The following RASL10B variants were observed in gnomAD, a reference collection of about 807,000 sequenced individuals.
The protein encoded by RASL10B is RAS like family 10 member B.
In RASL10B, 10 loss-of-function variants were observed where a neutral mutation model predicts 20.7. The ratio of observed to expected loss-of-function variants is 0.48; its 90% confidence interval spans 0.30 to 0.82. The LOEUF (loss-of-function observed/expected upper bound fraction) is 0.82, where lower values mean the gene tolerates loss of function less well. Among genes scored for constraint, RASL10B ranks in the 40% least tolerant of loss-of-function variants. The probability of loss-of-function intolerance (pLI) is 0.07; values close to 1 mark genes in which losing one functional copy is unlikely to be tolerated. For missense variants in RASL10B, 231 were observed against 295.4 expected (o/e 0.78, Z 1.60); for synonymous variants, 110 against 123.3 (o/e 0.89, Z 0.72).
intron 3 of RASL10B, 50 bp downstream of exon 3, chr17:35,740,583 C>A: frequency 6.3e-7 from 1 of 1,592,854 alleles, no homozygotes; most frequent in Non-Finnish European, 8.6e-7. Flanking sequence ...TGCCCCAGTG[C>A]TAGCCAGTCC....
chr17:35,735,498 C>A lies in RASL10B; in HGVS notation c.216+98C>A. The A allele has an allele frequency of 1.6e-6, 2 of 1,219,612 alleles. No individual in the cohort carries two copies. Among genetic ancestry groups the A allele is most frequent in the Non-Finnish European group, 2.3e-6 (2 of 859,090 alleles). The allele number at this position is 1,219,612 out of a possible 1,614,324, so 75.5% of individuals were successfully genotyped here. A position where few individuals can be genotyped will look rare whatever the true frequency, so the allele number is the denominator to read the frequency against. ...TGTAGCTTGGGCCCTATTGCCAGGGCCCCATCACTGAGTTTGGGAGCTCCA... is the reference window on the plus strand; with the variant it reads ...TGTAGCTTGGGCCCTATTGCCAGGGACCCATCACTGAGTTTGGGAGCTCCA... On this transcript the variant is annotated intron_variant, in intron 2 of 3. Coordinates refer to ENST00000603017, the MANE Select transcript of RASL10B (RefSeq NM_033315.4). The surrounding 1 kb of genome is among the most constrained non-coding windows in gnomAD (Gnocchi z 6.7).
intron 1 of RASL10B, among the ~76,000 whole-genome samples, chr17:35,733,167 A>G (rs145044964): frequency 6.6e-6 from 1 of 152,294 alleles, no homozygotes; most frequent in Non-Finnish European, 1.5e-5. Context: ...TCTCACGCAC[A>G]CTGCATGCAT....
At position 35,740,444 on chromosome 17, in the gene RASL10B, T is replaced by C. The variant is rs982638562; in HGVS notation, c.252T>C (p.Ser84=). ...WADTCCRGLR[S]VHAYILVYDI... ...ACACCTGCTGCAGGGGACTCCGGAG[T>C]GTCCACGCCTACATCCTGGTCTACG... Residue 84 remains serine (S), a synonymous_variant, in exon 3 of 4, where the codon AGT becomes AGC. Coordinates refer to ENST00000603017, the MANE Select transcript of RASL10B (RefSeq NM_033315.4). The C allele has an allele frequency of 1.9e-6, 3 of 1,613,764 alleles. No homozygotes were observed. The highest frequency in any genetic ancestry group is 2.2e-5 in the East Asian group (1 of 44,872).
chr17:35,732,367 G>A (rs1374917033), intron 1 of RASL10B, among the ~76,000 whole-genome samples: 2 of 152,228 alleles, frequency 1.3e-5, no homozygotes, highest in African/African-American at 4.8e-5. Flanking sequence ...GCAGTCTCTT[G>A]CCGGGCGCTG....
At position 35,742,158 on chromosome 17, in the gene RASL10B, T is replaced by C. The variant is rs782738235; in HGVS notation, c.*853T>C. The C allele has an allele frequency of 1.3e-5, 2 of 152,212 alleles. No individual in the cohort carries two copies. Among genetic ancestry groups the C allele is most frequent in the Non-Finnish European group, 2.9e-5 (2 of 68,046 alleles). The allele number at this position is 152,212 out of a possible 1,614,324, so 9.4% of individuals were successfully genotyped here. A position where few individuals can be genotyped will look rare whatever the true frequency, so the allele number is the denominator to read the frequency against. On this transcript the variant is annotated 3_prime_UTR_variant, in exon 4 of 4. Transcript: ENST00000603017. ...CCCCCAAAGGATAGCTTCTTTTTCA[T>C]GATGCCAGGCTCCAGTCCTTTATTC...
chr17:35,737,399 G>C (rs587637151), intron 2 of RASL10B, among the ~76,000 whole-genome samples: 1 of 152,138 alleles, frequency 6.6e-6, no homozygotes, highest in Non-Finnish European at 1.5e-5. Context: ...TCATGGCCAC[G>C]CCCTACTCCA....
rs2085633480 is a variant in RASL10B, at chr17:35,742,127, G to T, written c.*822G>T. 1 of 151,972 alleles carries T rather than the reference G, an allele frequency of 6.6e-6. No homozygotes were observed. Among genetic ancestry groups the T allele is most frequent in the Admixed American group, 6.6e-5 (1 of 15,226 alleles). The allele number at this position is 151,972 out of a possible 1,614,324, so 9.4% of individuals were successfully genotyped here. A position where few individuals can be genotyped will look rare whatever the true frequency, so the allele number is the denominator to read the frequency against. ...TTTTTTTTTGGACAGAGTGTGGAAA[G>T]GGAGCCCCCCAAAGGATAGCTTCTT... is the stretch of plus-strand genomic sequence containing the variant. On this transcript the variant is annotated 3_prime_UTR_variant, in exon 4 of 4. Coordinates refer to ENST00000603017, the MANE Select transcript of RASL10B (RefSeq NM_033315.4).
At chr17:35,732,651 C>T (rs2085565313) in intron 1 of RASL10B, among the ~76,000 whole-genome samples, 1 of 152,112 alleles carries the variant, frequency 6.6e-6, no homozygotes, top group South Asian at 2.1e-4. Flanking sequence ...TAGTGCCCCT[C>T]TTGCATTTCC....
In RASL10B at chr17:35,735,080, C is replaced by T. The variant is rs2085581491; in HGVS notation, c.-105C>T. ...GAGGGCCCAGGGCAAGCAGAGGCAG[C>T]AATGGTTGGTCCTGACGGTGGCTGA... On this transcript the variant is annotated 5_prime_UTR_variant, in exon 2 of 4. Transcript: ENST00000603017. The surrounding 1 kb of genome is among the most constrained non-coding windows in gnomAD (Gnocchi z 6.7). 1.1e-5 allele frequency: 13 copies of T among 1,175,064 alleles called. No individual in the cohort carries two copies. The highest frequency in any genetic ancestry group is 1.6e-5 in the Non-Finnish European group (13 of 811,906). 72.8% of individuals were successfully genotyped at this position (1,175,064 alleles called of 1,614,324 possible). A position where few individuals can be genotyped will look rare whatever the true frequency, so the allele number is the denominator to read the frequency against.
At chr17:35,738,939 C>T (rs903931590) in intron 2 of RASL10B, among the ~76,000 whole-genome samples, 2 of 152,198 alleles carry the variant, frequency 1.3e-5, no homozygotes, top group Non-Finnish European at 1.5e-5. Flanking sequence ...ATCGTGGGAG[C>T]ATCCGTATAC....
intron 2 of RASL10B, chr17:35,736,754 T>C (rs1057177580): frequency 6.6e-6 from 1 of 151,258 alleles, no homozygotes; most frequent in Non-Finnish European, 1.5e-5. Flanking sequence ...TTTTTTAAAA[T>C]TTATTTATTT....
intron 2 of RASL10B, among the ~76,000 whole-genome samples, chr17:35,739,380 C>A (rs1411142032): frequency 1.3e-5 from 2 of 152,256 alleles, no homozygotes; most frequent in East Asian, 3.9e-4. Context: ...TCTGTCCCCC[C>A]ACCTTTAGGG....
intron 1 of RASL10B, among the ~76,000 whole-genome samples, chr17:35,734,021 G>A (rs999757782): frequency 1.6e-4 from 25 of 152,334 alleles, no homozygotes; most frequent in Admixed American, 8.5e-4. Flanking sequence ...TTGGCCAGGC[G>A]CGGTGACTCA....
chr17:35,735,438 CGGAT>C lies in RASL10B; in HGVS notation c.216+41_216+44del. On this transcript the variant is annotated intron_variant, in intron 2 of 3. Transcript: ENST00000603017. The surrounding 1 kb of genome is among the most constrained non-coding windows in gnomAD (Gnocchi z 6.7). Reference sequence around the variant, plus strand: ...TGGGGGGCATGGGTTAGTGGGGAAACGGATGGGTAGGGGAGAGGCTGGATTCCAA... The same window carrying C: ...TGGGGGGCATGGGTTAGTGGGGAAACGGGTAGGGGAGAGGCTGGATTCCAA... The C allele has an allele frequency of 1.9e-6, 3 of 1,597,102 alleles. No individual in the cohort carries two copies. The highest frequency in any genetic ancestry group is 2.6e-6 in the Non-Finnish European group (3 of 1,165,624).
At chr17:35,740,661 C>T in intron 3 of RASL10B, 128 bp downstream of exon 3, 1 of 1,120,502 alleles carries the variant, frequency 8.9e-7, no homozygotes, top group Non-Finnish European at 1.3e-6. Context: ...CACACATACA[C>T]TCAAACATGC....
At position 35,741,235 on chromosome 17, in the gene RASL10B, G is replaced by C; in HGVS notation, c.542G>C (p.Arg181Pro). Residue 181 changes from arginine to proline, a missense_variant, in exon 4 of 4, where the codon CGT (arginine) becomes CCT (proline). Physicochemically the swap from Arg to Pro is moderately radical, Grantham distance 103. Transcript: ENST00000603017. The part of the protein sequence containing the change: ...SELLKSVGCA[R>P]CKHVHAALRF... ...CTGCTCAAGAGCGTCGGCTGCGCCC[G>C]TTGCAAGCACGTGCACGCTGCCCTG... is the stretch of plus-strand genomic sequence containing the variant. 6.2e-7 allele frequency: 1 copy of C among 1,604,998 alleles called. No individual in the cohort carries two copies. Among genetic ancestry groups the C allele is most frequent in the Non-Finnish European group, 8.5e-7 (1 of 1,176,126 alleles).
chr17:35,731,784 C>A lies in RASL10B; in HGVS notation c.-242C>A, dbSNP rs1372579681. 1 of 151,952 alleles carries A rather than the reference C, an allele frequency of 6.6e-6. No homozygotes were observed. Among genetic ancestry groups the A allele is most frequent in the Non-Finnish European group, 1.5e-5 (1 of 67,968 alleles). The allele number at this position is 151,952 out of a possible 1,614,324, so 9.4% of individuals were successfully genotyped here. On this transcript the variant is annotated 5_prime_UTR_variant, in exon 1 of 4. Coordinates refer to ENST00000603017, the MANE Select transcript of RASL10B (RefSeq NM_033315.4). ...GGGGGAGCCCCTACTTCTCTCCCCC[C>A]GGGCGGGGGAGCCGGGGGGCAGCGC...
In RASL10B at chr17:35,735,147, C is replaced by T; in HGVS notation, c.-38C>T. On this transcript the variant is annotated 5_prime_UTR_variant, in exon 2 of 4. Coordinates refer to ENST00000603017, the MANE Select transcript of RASL10B (RefSeq NM_033315.4). This position sits in a 1 kb window ranked among gnomAD's most constrained non-coding sequence, Gnocchi z 6.7. Reference sequence around the variant, plus strand: ...ATATGCAGCCCGGGGGAGCCCCAGACAGCGGCAAGGACGAGGTGGCGGAGT... The same window carrying T: ...ATATGCAGCCCGGGGGAGCCCCAGATAGCGGCAAGGACGAGGTGGCGGAGT... 6.3e-7 allele frequency: 1 copy of T among 1,586,536 alleles called. No individual in the cohort carries two copies. Among genetic ancestry groups the T allele is most frequent in the South Asian group, 1.1e-5 (1 of 90,458 alleles).
At position 35,741,326 on chromosome 17, in the gene RASL10B, T is replaced by C. The variant is rs1665652327; in HGVS notation, c.*21T>C. On this transcript the variant is annotated 3_prime_UTR_variant, in exon 4 of 4. Coordinates refer to ENST00000603017, the MANE Select transcript of RASL10B (RefSeq NM_033315.4). ...TGTGACGCCTGCGCGCCCCTCGGGC[T>C]GCACCGGCACTGGCCGAGCGGAGGG... is the stretch of plus-strand genomic sequence containing the variant. 6.9e-7 allele frequency: 1 copy of C among 1,442,932 alleles called. No individual in the cohort carries two copies. The highest frequency in any genetic ancestry group is 9.1e-7 in the Non-Finnish European group (1 of 1,098,356). 89.4% of individuals were successfully genotyped at this position (1,442,932 alleles called of 1,614,324 possible).
Sources: allele counts gnomAD v4.1 joint callset (sites outside exome capture counted in the v4.1 genomes callset), GRCh38; gene constraint gnomAD v4.1.1; non-coding constraint Gnocchi (gnomAD v3.1); transcripts MANE v1.5; gene names NCBI Gene and HGNC (gene_info 2026-07-23, HGNC 2026-07-21).